Variants in UNC13C observed in about 807,000 individuals in gnomAD.
UNC13C encodes unc-13 homolog C.
In UNC13C, 174 loss-of-function variants were observed where a neutral mutation model predicts 245.4. That is an observed-to-expected ratio of 0.71 (90% CI 0.63 to 0.80). The LOEUF is 0.80. UNC13C is among the 30% of genes least tolerant of loss of function. UNC13C has a pLI of 0.00. For synonymous variants in UNC13C, 992 were observed against 895.1 expected, an observed-to-expected ratio of 1.11 and a Z score of -1.93; for missense variants, 2,829 against 2,602.9, an observed-to-expected ratio of 1.09 and a Z score of -1.89.
chr15:54,281,460 A>AT (rs1448914862), intron 10 of UNC13C, among the ~76,000 whole-genome samples: 1 of 152,082 alleles, frequency 6.6e-6, no homozygotes, highest in Non-Finnish European at 1.5e-5. Flanking sequence ...AGTTGTATGT[A>AT]TTTTTTCATG....
chr15:54,084,014 A>AG (rs1899100579), intron 2 of UNC13C, among the ~76,000 whole-genome samples: 1 of 152,176 alleles, frequency 6.6e-6, no homozygotes, highest in African/African-American at 2.4e-5. Context: ...CTGTGAGTGC[A>AG]GGGGGTCTTC....
At chr15:53,837,847 A>G in the UNC13C span, among the ~76,000 whole-genome samples, 3 of 152,166 alleles carry the variant, frequency 2.0e-5, no homozygotes, top group East Asian at 5.8e-4. Flanking sequence ...ACCACTGTTA[A>G]AGATCACATT....
At chr15:54,520,562 A>G (rs571919377) in intron 24 of UNC13C, among the ~76,000 whole-genome samples, 1 of 152,138 alleles carries the variant, frequency 6.6e-6, no homozygotes, top group Non-Finnish European at 1.5e-5. Context: ...CAAGGGGAGT[A>G]CAGAGTAAAA....
chr15:54,079,256 C>T (rs776949722), intron 2 of UNC13C, among the ~76,000 whole-genome samples: 9 of 151,974 alleles, frequency 5.9e-5, no homozygotes, highest in African/African-American at 1.4e-4. Context: ...ATACCTCTGG[C>T]TTTGTTCTTT....
chr15:54,518,777 A>G (rs1174932806), intron 24 of UNC13C, among the ~76,000 whole-genome samples: 1 of 152,194 alleles, frequency 6.6e-6, no homozygotes, highest in African/African-American at 2.4e-5. Context: ...GTGGTTTATA[A>G]CACATGCAGG....
At chr15:54,164,901 T>C (rs1489289419) in intron 4 of UNC13C, among the ~76,000 whole-genome samples, 1 of 152,212 alleles carries the variant, frequency 6.6e-6, no homozygotes, top group Non-Finnish European at 1.5e-5. Context: ...GGTTTATCTA[T>C]AGGTTTTGAT....
At chr15:53,969,382 C>T in the UNC13C span, among the ~76,000 whole-genome samples, 3 of 152,054 alleles carry the variant, frequency 2.0e-5, no homozygotes, top group Admixed American at 6.6e-5. Flanking sequence ...TAATACATAG[C>T]CTGATGCCTC....
the UNC13C span, among the ~76,000 whole-genome samples, chr15:53,928,985 G>A: frequency 1.3e-5 from 2 of 152,196 alleles, no homozygotes; most frequent in Non-Finnish European, 2.9e-5. Flanking sequence ...TGTTTGCTGG[G>A]TGATATTATA....
chr15:53,938,515 A>G, the UNC13C span, among the ~76,000 whole-genome samples: 1 of 152,148 alleles, frequency 6.6e-6, no homozygotes, highest in Non-Finnish European at 1.5e-5. Flanking sequence ...AGACCTGATA[A>G]ATATCTGCAG....
chr15:54,312,261 T>A (rs966032763), intron 13 of UNC13C, among the ~76,000 whole-genome samples: 1 of 151,682 alleles, frequency 6.6e-6, no homozygotes, highest in South Asian at 2.1e-4. Flanking sequence ...AATGTTTTTA[T>A]CCTGCTTGTT....
intron 5 of UNC13C, among the ~76,000 whole-genome samples, chr15:54,236,164 C>T (rs1310694568): frequency 6.6e-6 from 1 of 152,132 alleles, no homozygotes; most frequent in East Asian, 1.9e-4. Context: ...CAACAACGTA[C>T]ATAACTTTTT....
chr15:54,613,644 C>G (rs547568634), intron 30 of UNC13C, among the ~76,000 whole-genome samples: 2 of 151,964 alleles, frequency 1.3e-5, no homozygotes, highest in South Asian at 4.1e-4. Context: ...CTCATGGGGC[C>G]TTAACTATTT....
chr15:54,422,808 A>C (rs1004838615), intron 19 of UNC13C, among the ~76,000 whole-genome samples: 14 of 151,964 alleles, frequency 9.2e-5, no homozygotes, highest in Non-Finnish European at 1.6e-4. Flanking sequence ...CAAAACACTT[A>C]TTATATCTGA....
chr15:54,502,378 A>G (rs1478187740), intron 22 of UNC13C, among the ~76,000 whole-genome samples: 1 of 152,186 alleles, frequency 6.6e-6, no homozygotes, highest in Non-Finnish European at 1.5e-5. Flanking sequence ...ACTGTATTAT[A>G]TTTATTTGCC....
At chr15:54,141,642 A>G (rs1437739903) in intron 2 of UNC13C, among the ~76,000 whole-genome samples, 1 of 152,094 alleles carries the variant, frequency 6.6e-6, no homozygotes, top group Non-Finnish European at 1.5e-5. Context: ...GATTAGTCAT[A>G]TCATTATTTT....
At chr15:53,882,294 G>A in the UNC13C span, among the ~76,000 whole-genome samples, 1 of 152,020 alleles carries the variant, frequency 6.6e-6, no homozygotes, top group South Asian at 2.1e-4. Context: ...GTACAGTTCT[G>A]TATACAAATA....
At chr15:54,149,650 A>G (rs2032432272) in intron 4 of UNC13C, among the ~76,000 whole-genome samples, 3 of 152,192 alleles carry the variant, frequency 2.0e-5, no homozygotes, top group African/African-American at 7.2e-5. Flanking sequence ...ACTGTTAAAG[A>G]TCAATGTCTT....
intron 2 of UNC13C, among the ~76,000 whole-genome samples, chr15:54,127,093 T>C (rs562413458): frequency 6.6e-6 from 1 of 152,284 alleles, no homozygotes; most frequent in South Asian, 2.1e-4. Flanking sequence ...AGGAGTGCTT[T>C]TACACTGTTG....
intron 2 of UNC13C, among the ~76,000 whole-genome samples, chr15:54,039,908 A>C (rs1595752470): frequency 7.2e-6 from 1 of 139,206 alleles, no homozygotes; most frequent in African/African-American, 2.7e-5. Context: ...TCTTCCCTTG[A>C]CCCCCACCAG....
Sources: gnomAD v4.1 joint callset for allele counts (sites outside exome capture counted in the v4.1 genomes callset) on GRCh38, gnomAD v4.1.1 for gene constraint, MANE v1.5 for transcripts, NCBI Gene and HGNC (gene_info 2026-07-23, HGNC 2026-07-21) for gene names.